The following TEKT5 variants were observed in gnomAD, a reference collection of about 807,000 sequenced individuals.
TEKT5 encodes tektin-5.
A neutral mutation model predicts 48.7 loss-of-function variants in TEKT5; 52 were observed. The ratio of observed to expected loss-of-function variants is 1.07; its 90% CI spans 0.86 to 1.35. The LOEUF (loss-of-function observed/expected upper bound fraction) is 1.35. Among genes scored for constraint, TEKT5 ranks in the 40% most tolerant of loss-of-function variants. The pLI is 0.00. For synonymous variants in TEKT5, 318 were observed against 267.6 expected (o/e 1.19, Z -1.84); for missense variants, 831 against 641.6 (o/e 1.30, Z -3.19).
intron 6 of TEKT5, among the ~76,000 whole-genome samples, chr16:10,630,961 C>T (rs1253235271): frequency 1.3e-5 from 2 of 151,958 alleles, no homozygotes; most frequent in East Asian, 3.9e-4. Flanking sequence ...GTCATCCCAG[C>T]ACTTTGGGAG....
intron 1 of TEKT5, chr16:10,692,723 C>T (rs1899002196): frequency 6.6e-6 from 1 of 152,260 alleles, no homozygotes; most frequent in Non-Finnish European, 1.5e-5. Context: ...GATGCTTCTG[C>T]TCTTTGTTCT....
chr16:10,634,907 G>A (rs539548895), intron 6 of TEKT5, among the ~76,000 whole-genome samples: 11 of 152,222 alleles, frequency 7.2e-5, no homozygotes, highest in Admixed American at 1.3e-4. Context: ...TGCAACCTGC[G>A]GAAGACCCTG....
chr16:10,643,282 G>A (rs942351614), intron 5 of TEKT5, among the ~76,000 whole-genome samples: 2 of 152,064 alleles, frequency 1.3e-5, no homozygotes, highest in African/African-American at 4.8e-5. Context: ...AGAAGGCTGA[G>A]GTGAGAGGAT....
intron 5 of TEKT5, among the ~76,000 whole-genome samples, chr16:10,657,851 C>T (rs1181687553): frequency 1.3e-5 from 2 of 151,428 alleles, no homozygotes; most frequent in Non-Finnish European, 1.5e-5. Flanking sequence ...CCGCCCGGCT[C>T]GGCCTCCCAA....
At chr16:10,654,802 A>C (rs897704653) in intron 5 of TEKT5, among the ~76,000 whole-genome samples, 1 of 151,992 alleles carries the variant, frequency 6.6e-6, no homozygotes, top group Non-Finnish European at 1.5e-5. Context: ...CAATTCCTAC[A>C]ACAAATCTCC....
At chr16:10,663,512 T>A (rs1002679214) in intron 5 of TEKT5, among the ~76,000 whole-genome samples, 3 of 152,050 alleles carry the variant, frequency 2.0e-5, no homozygotes, top group Non-Finnish European at 4.4e-5. Flanking sequence ...CCTTTTCTGG[T>A]CAAATGGTGG....
intron 1 of TEKT5, chr16:10,690,756 G>A: frequency 1.0e-6 from 1 of 985,406 alleles, no homozygotes; most frequent in African/African-American, 1.7e-5. Context: ...CTTTTCAGGG[G>A]CGCTCTATGA....
rs374888961 is a variant in TEKT5, at chr16:10,657,311, A to G, written c.1086+18648T>C. Among the ~76,000 whole-genome samples the G allele has an allele frequency of 1.3e-3, 203 of 151,650 alleles. 5 individuals carry two copies. In the South Asian group the frequency reaches 0.041, roughly 31 times the overall value. ...CAGCTAATTTTTTTGTGTATTTAGT[A>G]GAAACAGGGTTTCACCATGTTGGCC... On this transcript the variant is annotated intron_variant, in intron 5 of 6. Coordinates refer to ENST00000283025, the MANE Select transcript of TEKT5 (RefSeq NM_144674.2).
chr16:10,657,025 C>G lies in TEKT5; in HGVS notation c.1086+18934G>C, dbSNP rs147086885. ...AAGTGCTGGGATTACAGGTATGAGG[C>G]ATTGCACCCAGCCTATATTTTTGAC... On this transcript the variant is annotated intron_variant, in intron 5 of 6. Coordinates refer to ENST00000283025, the MANE Select transcript of TEKT5 (RefSeq NM_144674.2). 2.4e-3 allele frequency among the ~76,000 whole-genome samples: 367 copies of G among 152,280 alleles called. 3 individuals are homozygous for G. The highest frequency in any genetic ancestry group is 8.3e-3 in the African/African-American group (347 of 41,564).
rs140640217 is a variant in TEKT5 at position 10,672,417 on chromosome 16, C to T, written c.1086+3542G>A. 3.0e-3 allele frequency among the ~76,000 whole-genome samples: 464 copies of T among 152,180 alleles called. 2 individuals carry two copies. The highest frequency in any genetic ancestry group is 0.01 in the African/African-American group (429 of 41,526). ...GACCAGCCTGGGCAATATGGCAAAA[C>T]GCCGTCTCTACAAAAAATACAAAAA... On this transcript the variant is annotated intron_variant, in intron 5 of 6. Coordinates refer to ENST00000283025, the MANE Select transcript of TEKT5 (RefSeq NM_144674.2).
At chr16:10,681,252 G>A (rs1011605224) in intron 4 of TEKT5, among the ~76,000 whole-genome samples, 1 of 152,042 alleles carries the variant, frequency 6.6e-6, no homozygotes, top group Non-Finnish European at 1.5e-5. Flanking sequence ...CTGGGAAGTG[G>A]GTACTTAATT....
chr16:10,654,295 T>A (rs112209605), intron 5 of TEKT5, among the ~76,000 whole-genome samples: 5 of 152,022 alleles, frequency 3.3e-5, no homozygotes, highest in South Asian at 4.1e-4. Context: ...AAGCAATCCA[T>A]CCACCTCAGC....
rs538774960 is a variant in TEKT5, at chr16:10,689,982, A to G, written c.608T>C (p.Ile203Thr). Residue 203 changes from isoleucine to threonine, a missense_variant, in exon 2 of 7, where the codon ATT (isoleucine) becomes ACT (threonine). Physicochemically the swap from Ile to Thr is moderately conservative, Grantham distance 89. Transcript: ENST00000283025. ...CLYHREKRIG[I>T]DLVHDNVEKN... ...CTCCACGTTGTCATGGACCAAATCA[A>G]TCCCAATCCTCTTCTCTCGATGGTA... The G allele has an allele frequency of 3.1e-6, 5 of 1,613,576 alleles. No individual in the cohort carries two copies. Among genetic ancestry groups the G allele is most frequent in the Non-Finnish European group, 4.2e-6 (5 of 1,179,884 alleles).
intron 5 of TEKT5, among the ~76,000 whole-genome samples, chr16:10,639,790 G>C (rs1249341247): frequency 2.6e-5 from 4 of 152,314 alleles, no homozygotes; most frequent in Middle Eastern, 3.4e-3. Flanking sequence ...TCACAGCAGG[G>C]TAGGTTGGGT....
intron 4 of TEKT5, among the ~76,000 whole-genome samples, chr16:10,678,620 C>T (rs1468885454): frequency 3.3e-5 from 5 of 152,050 alleles, no homozygotes; most frequent in East Asian, 1.9e-4. Context: ...TGTTCAAGGC[C>T]GCACAACAAC....
At chr16:10,675,700 G>A (rs894923771) in intron 5 of TEKT5, among the ~76,000 whole-genome samples, 1 of 152,202 alleles carries the variant, frequency 6.6e-6, no homozygotes, top group Non-Finnish European at 1.5e-5. Flanking sequence ...GGGGTCCTGG[G>A]AGTGTCACAG....
intron 1 of TEKT5, among the ~76,000 whole-genome samples, chr16:10,691,856 G>A (rs987675406): frequency 4.0e-5 from 6 of 151,608 alleles, no homozygotes; most frequent in Non-Finnish European, 5.9e-5. Context: ...GCTGAGGCAG[G>A]AGAATGGCGT....
chr16:10,688,646 G>A (rs12708711), intron 3 of TEKT5, among the ~76,000 whole-genome samples: 62,898 of 152,150 alleles, frequency 0.41, 13,510 homozygotes, highest in East Asian at 0.62. Context: ...GGGAGCTGGT[G>A]CCAAGGGCTT....
In TEKT5 at chr16:10,681,377, GTCTC is replaced by G. The variant is rs59484637; in HGVS notation, c.863+612_863+615del. On this transcript the variant is annotated intron_variant, in intron 4 of 6. Transcript: ENST00000283025. ...AGCCTGGCTCCAGATTCCACTCTCT[GTCTC>G]TCTCTCTCTCTCTCTCTCTCTCTCT... Among the ~76,000 whole-genome samples, 115 of 38,638 alleles carry G rather than the reference GTCTC, an allele frequency of 3.0e-3. 1 individual carries two copies. The highest frequency in any genetic ancestry group is 0.014 in the East Asian group (5 of 346). 25.3% of individuals were successfully genotyped at this position (38,638 alleles called of 152,430 possible).
Sources: gnomAD v4.1 joint callset for allele counts (sites outside exome capture counted in the v4.1 genomes callset) on GRCh38, gnomAD v4.1.1 for gene constraint, MANE v1.5 for transcripts, NCBI Gene and HGNC (gene_info 2026-07-23, HGNC 2026-07-21) for gene names.